PCDHGB2: variants seen among roughly 807,000 people sequenced by gnomAD.
PCDHGB2 encodes protocadherin gamma-B2.
In PCDHGB2, 55 loss-of-function variants were observed where a neutral mutation model predicts 59.3. The observed-to-expected ratio is 0.93, with a 90% CI of 0.75 to 1.16. PCDHGB2 has a LOEUF of 1.16. Ranked by LOEUF, PCDHGB2 falls within the 50% of genes most tolerant of loss-of-function variation. PCDHGB2 has a pLI of 0.00. For missense variants in PCDHGB2, 1,228 were observed against 1,198.5 expected (o/e 1.02, Z -0.36); for synonymous variants, 516 against 512.0 (o/e 1.01, Z -0.11).
intron 1 of PCDHGB2, among the ~76,000 whole-genome samples, chr5:141,448,842 G>A (rs943887884): frequency 6.6e-6 from 1 of 152,182 alleles, no homozygotes; most frequent in Non-Finnish European, 1.5e-5. Context: ...CTACTCTGGA[G>A]GCTGAGGCAG....
chr5:141,490,796 A>G lies in PCDHGB2; in HGVS notation c.2422-4011A>G. ...CCAGAGGATGGACGGATCTTTGCCC[A>G]GCGTACCTTTGACTATGAATTGCTG... On this transcript the variant is annotated intron_variant, in intron 1 of 3. Coordinates refer to ENST00000522605, the MANE Select transcript of PCDHGB2 (RefSeq NM_018923.3). The surrounding 1 kb of genome is among the most constrained non-coding windows in gnomAD (Gnocchi z 5.4). The G allele has an allele frequency of 6.2e-7, 1 of 1,613,978 alleles. No individual in the cohort carries two copies. The highest frequency in any genetic ancestry group is 8.5e-7 in the Non-Finnish European group (1 of 1,179,904).
In PCDHGB2 at chr5:141,404,612, G is replaced by A. The variant is rs774633321; in HGVS notation, c.2421+42056G>A. 2 of 1,614,110 alleles carry A rather than the reference G, an allele frequency of 1.2e-6. No homozygotes were observed. The highest frequency in any genetic ancestry group is 3.3e-5 in the Admixed American group (2 of 60,022). ...TGTGTCATTGAGACTGTTTGTTTTG[G>A]ACCAGAATGACAATGCCCCAGAAAT... On this transcript the variant is annotated intron_variant, in intron 1 of 3. Transcript: ENST00000522605.
At chr5:141,398,764 A>G in intron 1 of PCDHGB2, 2 of 1,613,924 alleles carry the variant, frequency 1.2e-6, no homozygotes, top group East Asian at 4.5e-5. Context: ...TTTAGTCCTG[A>G]CTGCCTTGGA....
intron 1 of PCDHGB2, chr5:141,393,374 T>G (rs11575958): frequency 0.026 from 42,476 of 1,613,728 alleles, 744 homozygotes; most frequent in East Asian, 0.04. Flanking sequence ...CTGGAGACAA[T>G]GGAGCCATAA....
rs1596285501 is a variant in PCDHGB2, at chr5:141,510,367, C to A, written c.2570-580C>A. Among the ~76,000 whole-genome samples the A allele has an allele frequency of 5.0e-5, 7 of 140,362 alleles. 1 individual carries two copies. In the South Asian group the frequency reaches 1.6e-3, roughly 31 times the overall value. The allele number at this position is 140,362 out of a possible 152,430, so 92.1% of individuals were successfully genotyped here. A position where few individuals can be genotyped will look rare whatever the true frequency, so the allele number is the denominator to read the frequency against. On this transcript the variant is annotated intron_variant, in intron 3 of 3. Transcript: ENST00000522605. ...ACACTTACTAACGGAACTACCGAAT[C>A]TCTACTCGTGCCAGGCCTTGCTTGG...
chr5:141,420,722 A>T (rs1428516588), intron 1 of PCDHGB2, among the ~76,000 whole-genome samples: 4 of 152,226 alleles, frequency 2.6e-5, no homozygotes, highest in Admixed American at 6.5e-5. Flanking sequence ...CGTTCCTTTC[A>T]GTCGGTTAAA....
chr5:141,428,119 C>CCGGGCTTTTCAGCCTGGGGCTGCACA, intron 1 of PCDHGB2: 1 of 1,606,630 alleles, frequency 6.2e-7, no homozygotes, highest in Non-Finnish European at 8.5e-7. Context: ...GCCATCGAGC[C>CCGGGCTTTTCAGCCTGGGGCTGCACA]CGGGCTTTTC....
At chr5:141,406,431 T>G (rs1316370664) in intron 1 of PCDHGB2, among the ~76,000 whole-genome samples, 3 of 152,352 alleles carry the variant, frequency 2.0e-5, no homozygotes, top group Non-Finnish European at 4.4e-5. Context: ...ATTTATTGCT[T>G]CTATTCTTCC....
chr5:141,423,605 T>G lies in PCDHGB2; in HGVS notation c.2421+61049T>G. The G allele has an allele frequency of 1.6e-5, 26 of 1,612,620 alleles. No individual in the cohort carries two copies. Among genetic ancestry groups the G allele is most frequent in the Non-Finnish European group, 2.0e-5 (24 of 1,179,120 alleles). On this transcript the variant is annotated intron_variant, in intron 1 of 3. Transcript: ENST00000522605. Reference sequence around the variant, plus strand: ...AGCTGTGAGAAAAGCGAGCCACTCTTGATAGCTGAAGACTCAGCTATCATT... The same window carrying G: ...AGCTGTGAGAAAAGCGAGCCACTCTGGATAGCTGAAGACTCAGCTATCATT...
chr5:141,422,414 A>G (rs2096646645), intron 1 of PCDHGB2: 1 of 1,604,894 alleles, frequency 6.2e-7, no homozygotes, highest in Admixed American at 1.7e-5. Context: ...TTTAAATTAG[A>G]AAAGACTTAT....
At chr5:141,375,731 C>T (rs370856492) in intron 1 of PCDHGB2, 146 of 1,614,138 alleles carry the variant, frequency 9.0e-5, no homozygotes, top group Non-Finnish European at 1.2e-4. Context: ...GTCACTGAGC[C>T]TGTTTGTGCT....
chr5:141,421,476 C>A, intron 1 of PCDHGB2: 2 of 1,614,158 alleles, frequency 1.2e-6, no homozygotes, highest in Non-Finnish European at 1.7e-6. Context: ...CGCGAAGCGG[C>A]AGCTTGATCA....
chr5:141,428,349 G>A (rs555622676), intron 1 of PCDHGB2: 93 of 583,074 alleles, frequency 1.6e-4, no homozygotes, highest in African/African-American at 1.5e-3. Flanking sequence ...TCCTCGCAGT[G>A]ATTTTGGCGG....
At chr5:141,459,302 A>T (rs1401348885) in intron 1 of PCDHGB2, among the ~76,000 whole-genome samples, 1 of 152,210 alleles carries the variant, frequency 6.6e-6, no homozygotes, top group African/African-American at 2.4e-5. Flanking sequence ...CCTATAACAT[A>T]TACTATTTTG....
At chr5:141,453,495 C>T (rs1490576605) in intron 1 of PCDHGB2, among the ~76,000 whole-genome samples, 1 of 151,968 alleles carries the variant, frequency 6.6e-6, no homozygotes, top group Admixed American at 6.6e-5. Flanking sequence ...AAAAGGTGTA[C>T]TCAGAAAATT....
intron 1 of PCDHGB2, chr5:141,384,015 A>G: frequency 6.2e-7 from 1 of 1,613,830 alleles, no homozygotes; most frequent in Non-Finnish European, 8.5e-7. Flanking sequence ...TCTACCTACA[A>G]GACAGAGATT....
intron 1 of PCDHGB2, chr5:141,391,295 G>A (rs1373471979): frequency 6.6e-6 from 1 of 151,134 alleles, no homozygotes; most frequent in Non-Finnish European, 1.5e-5. Context: ...AGAAGGAAAC[G>A]TCTTTCGATT....
rs1392359513 is a variant in PCDHGB2 at position 141,362,062 on chromosome 5, C to G, written c.1927C>G (p.Leu643Val). 6.2e-7 allele frequency: 1 copy of G among 1,612,314 alleles called. No individual in the cohort carries two copies. The highest frequency in any genetic ancestry group is 1.3e-5 in the African/African-American group (1 of 75,012). Residue 643 changes from leucine (L) to valine (V), a missense_variant, in exon 1 of 4, where the codon CTG becomes GTG. Physicochemically the swap from Leu to Val is conservative, Grantham distance 32. Around this residue, in one of 3 missense-constraint regions of PCDHGB2, gnomAD observed 433 missense variants for 441.8 expected, o/e 0.98. Transcript: ENST00000522605. ...CAGGGACGCGGCCCGCCAGCGCCTG[C>G]TGGTCGCTGTGCGTGATGGAGGACA... The part of the protein sequence containing the change: ...GDRDAARQRL[L>V]VAVRDGGQPP...
chr5:141,449,160 T>G (rs6867451), intron 1 of PCDHGB2, among the ~76,000 whole-genome samples: 8,161 of 152,140 alleles, frequency 0.054, 458 homozygotes, highest in African/African-American at 0.15. Context: ...AAAGAGGAAA[T>G]AGGTGTAATT....
Sources: gnomAD v4.1 joint callset for allele counts (sites outside exome capture counted in the v4.1 genomes callset) on GRCh38, gnomAD v4.1.1 for gene constraint, gnomAD v4.1.1 regional missense constraint, Gnocchi (gnomAD v3.1) non-coding constraint, MANE v1.5 for transcripts, NCBI Gene and HGNC (gene_info 2026-07-23, HGNC 2026-07-21) for gene names.